CUTC: variants seen among roughly 807,000 people sequenced by gnomAD.
CUTC encodes cutC copper transporter.
Under a neutral mutation model 36.2 loss-of-function variants are expected in CUTC, and 27 were observed. The observed-to-expected ratio is 0.75, with a 90% CI of 0.55 to 1.03. The LOEUF (loss-of-function observed/expected upper bound fraction) is 1.03. Among genes scored for constraint, CUTC ranks in the 50% least tolerant of loss-of-function variants. The pLI is 0.00. For synonymous variants in CUTC, 114 were observed against 118.3 expected, an observed-to-expected ratio of 0.96 and a Z score of 0.24; for missense variants, 315 against 343.5, an observed-to-expected ratio of 0.92 and a Z score of 0.66.
intron 1 of CUTC, among the ~76,000 whole-genome samples, chr10:99,734,505 T>C (rs989741369): frequency 6.6e-6 from 1 of 152,042 alleles, no homozygotes; most frequent in Non-Finnish European, 1.5e-5. Flanking sequence ...AATAAAGCAA[T>C]AAAGAAAAGT....
Position 99,754,571 on chromosome 10 carries a change from G to T in CUTC, c.644G>T (p.Gly215Val). The T allele has an allele frequency of 1.2e-6, 2 of 1,613,804 alleles. No individual in the cohort carries two copies. Among genetic ancestry groups the T allele is most frequent in the East Asian group, 2.2e-5 (1 of 44,840 alleles). Residue 215 changes from glycine to valine, a missense_variant, in exon 8 of 9, where the codon GGT becomes GTT. Gly to Val is a moderately radical substitution (Grantham distance 109). Coordinates refer to ENST00000370476, the MANE Select transcript of CUTC (RefSeq NM_015960.3). ...AGAAATCTACAAAGGATCCTTGAGG[G>T]TTCAGGTGCTACAGAATTCCACTGT... ...TDRNLQRILE[G>V]SGATEFHCSA...
In CUTC at chr10:99,754,642, T is replaced by A. The variant is rs749980777; in HGVS notation, c.707+8T>A. ...CTCGGGAATGAAGTTTCGGTAAAAATGTATTCTTCGATTCAAATAAGAAGG... is the reference window on the plus strand; with the variant it reads ...CTCGGGAATGAAGTTTCGGTAAAAAAGTATTCTTCGATTCAAATAAGAAGG... On this transcript the variant is annotated splice_region_variant and intron_variant, in intron 8 of 8. Coordinates refer to ENST00000370476, the MANE Select transcript of CUTC (RefSeq NM_015960.3). 5.1e-6 allele frequency: 8 copies of A among 1,576,770 alleles called. No individual in the cohort carries two copies. The highest frequency in any genetic ancestry group is 7.0e-6 in the Non-Finnish European group (8 of 1,150,142).
chr10:99,733,144 A>G (rs2037239505), intron 1 of CUTC, among the ~76,000 whole-genome samples: 1 of 152,078 alleles, frequency 6.6e-6, no homozygotes, highest in Non-Finnish European at 1.5e-5. Flanking sequence ...CCCCGTCTCT[A>G]CTAAAAATAC....
chr10:99,737,587 A>G (rs532349532), intron 2 of CUTC, among the ~76,000 whole-genome samples: 3 of 152,290 alleles, frequency 2.0e-5, no homozygotes, highest in South Asian at 2.1e-4. Flanking sequence ...CTGTGTATAT[A>G]CTAAAGAGTA....
Position 99,755,920 on chromosome 10 carries a change from C to T in CUTC, c.*181C>T, listed in dbSNP as rs1468104926. 6 of 546,694 alleles carry T rather than the reference C, an allele frequency of 1.1e-5. No individual in the cohort carries two copies. The highest frequency in any genetic ancestry group is 1.9e-5 in the Non-Finnish European group (6 of 308,812). The allele number at this position is 546,694 out of a possible 1,614,324, so 33.9% of individuals were successfully genotyped here. A position where few individuals can be genotyped will look rare whatever the true frequency, so the allele number is the denominator to read the frequency against. On this transcript the variant is annotated 3_prime_UTR_variant, in exon 9 of 9. Transcript: ENST00000370476. ...AAAGAATTTGAAACAGAGATACAGT[C>T]ACTTCCTTTGCTTAGTCTTACCAGT...
intron 7 of CUTC, among the ~76,000 whole-genome samples, chr10:99,752,881 TA>T (rs1321277145): frequency 6.6e-6 from 1 of 152,176 alleles, no homozygotes; most frequent in East Asian, 1.9e-4. Flanking sequence ...AATAGACTTA[TA>T]AACACAAATG....
At chr10:99,751,773 A>G (rs2037420223) in intron 7 of CUTC, among the ~76,000 whole-genome samples, 2 of 152,178 alleles carry the variant, frequency 1.3e-5, no homozygotes, top group African/African-American at 4.8e-5. Flanking sequence ...CATGAGCATC[A>G]CTTGAACCAA....
In CUTC at chr10:99,755,855, T is replaced by C. The variant is rs1590124106; in HGVS notation, c.*116T>C. On this transcript the variant is annotated 3_prime_UTR_variant, in exon 9 of 9. Transcript: ENST00000370476. ...GGCCAGGACAGTCGCAATCTTTGTT[T>C]TAAGTTTCACATGGCCATGGAGAAT... is the stretch of plus-strand genomic sequence containing the variant. 1.5e-6 allele frequency: 1 copy of C among 652,244 alleles called. No individual in the cohort carries two copies. Among genetic ancestry groups the C allele is most frequent in the Middle Eastern group, 2.5e-4 (1 of 3,984 alleles). 40.4% of individuals were successfully genotyped at this position (652,244 alleles called of 1,614,324 possible). A position where few individuals can be genotyped will look rare whatever the true frequency, so the allele number is the denominator to read the frequency against.
At chr10:99,736,345 G>A (rs573616976) in intron 2 of CUTC, 28 bp downstream of exon 2, 36 of 1,535,552 alleles carry the variant, frequency 2.3e-5, no homozygotes, top group Admixed American at 8.4e-5. Flanking sequence ...GTGAATGACC[G>A]TTGGCTACCC....
intron 5 of CUTC, among the ~76,000 whole-genome samples, chr10:99,746,360 G>A (rs1039154876): frequency 6.6e-6 from 1 of 152,080 alleles, no homozygotes; most frequent in East Asian, 1.9e-4. Flanking sequence ...GGGCCTTTCC[G>A]AGGGTGGAGG....
At position 99,739,706 on chromosome 10, in the gene CUTC, A is replaced by G. The variant is rs768446164; in HGVS notation, c.134-4A>G. The G allele has an allele frequency of 1.2e-6, 2 of 1,609,634 alleles. No individual in the cohort carries two copies. Among genetic ancestry groups the G allele is most frequent in the Admixed American group, 1.7e-5 (1 of 59,076 alleles). ...ATGTGTTGAGCAATGCTTTTATATT[A>G]CAGGTGCTGATCGGATTGAATTATG... On this transcript the variant is annotated splice_polypyrimidine_tract_variant and splice_region_variant and intron_variant, in intron 2 of 8. Transcript: ENST00000370476.
At position 99,755,680 on chromosome 10, in the gene CUTC, G is replaced by A; in HGVS notation, c.763G>A (p.Val255Ile). The A allele has an allele frequency of 6.2e-7, 1 of 1,613,902 alleles. No homozygotes were observed. The highest frequency in any genetic ancestry group is 8.5e-7 in the Non-Finnish European group (1 of 1,179,914). ...SLSCSEYSLK[V>I]TDVTKVRTLN... ...TTCTTGCTCAGAATATTCCCTAAAG[G>A]TAACAGATGTGACCAAAGTAAGGAC... Residue 255 changes from valine (V) to isoleucine (I), a missense_variant, in exon 9 of 9, where the codon GTA becomes ATA. By Grantham distance (29) the Val-to-Ile change is conservative. Coordinates refer to ENST00000370476, the MANE Select transcript of CUTC (RefSeq NM_015960.3).
intron 3 of CUTC, 123 bp downstream of exon 3, chr10:99,739,892 G>T: frequency 1.4e-6 from 1 of 725,278 alleles, no homozygotes; most frequent in South Asian, 2.0e-5. Context: ...TGTTGTATCA[G>T]AAATGTTTAT....
intron 2 of CUTC, among the ~76,000 whole-genome samples, chr10:99,737,891 G>T (rs1461994615): frequency 6.6e-6 from 1 of 152,118 alleles, no homozygotes; most frequent in Non-Finnish European, 1.5e-5. Context: ...GCTCACACCT[G>T]TAATCCCAGC....
chr10:99,736,979 G>C (rs1305439955), intron 2 of CUTC, among the ~76,000 whole-genome samples: 2 of 152,106 alleles, frequency 1.3e-5, no homozygotes, highest in Non-Finnish European at 2.9e-5. Context: ...TTTTGAAAAT[G>C]TAAACATCAG....
intron 5 of CUTC, among the ~76,000 whole-genome samples, chr10:99,745,492 T>C (rs1278517272): frequency 6.6e-6 from 1 of 152,186 alleles, no homozygotes; most frequent in Non-Finnish European, 1.5e-5. Flanking sequence ...AAAGCAGAAG[T>C]AGATTTTCTG....
At chr10:99,753,539 A>G (rs776810859) in intron 7 of CUTC, among the ~76,000 whole-genome samples, 8 of 152,150 alleles carry the variant, frequency 5.3e-5, no homozygotes, top group Non-Finnish European at 1.2e-4. Context: ...CCTCTTGAAT[A>G]GGTGGGTCTA....
At chr10:99,745,237 T>G (rs1000236663) in intron 5 of CUTC, among the ~76,000 whole-genome samples, 3 of 152,250 alleles carry the variant, frequency 2.0e-5, no homozygotes, top group Non-Finnish European at 4.4e-5. Context: ...CAAAAATATT[T>G]TCATATTTTC....
rs765063846 is a variant in CUTC, at chr10:99,751,760, A to C, written c.601+1364A>C. Among the ~76,000 whole-genome samples the C allele has an allele frequency of 3.3e-5, 5 of 152,312 alleles. No individual in the cohort carries two copies. The East Asian group carries it at 9.7e-4, about 29-fold the overall frequency. On this transcript the variant is annotated intron_variant, in intron 7 of 8. Transcript: ENST00000370476. ...GTAATCCCAGCTACTTGGGAGGCTG[A>C]GGCATGAGCATCACTTGAACCAAGG...
Sources: allele counts gnomAD v4.1 joint callset (sites outside exome capture counted in the v4.1 genomes callset), GRCh38; gene constraint gnomAD v4.1.1; transcripts MANE v1.5; gene names NCBI Gene and HGNC (gene_info 2026-07-23, HGNC 2026-07-21).